Variants in NUP43 observed in about 807,000 individuals in gnomAD.
NUP43 encodes the protein nucleoporin 43, also known as nucleoporin Nup43.
In NUP43, 32 loss-of-function variants were observed where a neutral mutation model predicts 47.3. That is an observed-to-expected ratio of 0.68 (90% CI 0.51 to 0.91). The LOEUF (loss-of-function observed/expected upper bound fraction) is 0.91. Ranked by LOEUF, NUP43 falls within the 40% of genes least tolerant of loss-of-function variation. The pLI is 0.00. For missense variants in NUP43, 444 were observed against 453.9 expected (o/e 0.98, Z 0.20); for synonymous variants, 147 against 158.4 (o/e 0.93, Z 0.54).
In NUP43 at chr6:149,738,011, C is replaced by CA. The variant is rs1016042660; in HGVS notation, c.638+631dup. Among the ~76,000 whole-genome samples, 9 of 150,996 alleles carry CA rather than the reference C, an allele frequency of 6.0e-5. No individual in the cohort carries two copies. In the South Asian group the frequency reaches 8.4e-4, roughly 14 times the overall value. ...CAGCCTGGCTGAATCTTAATGATAC[C>CA]AAAAAAAATGAACTAAATTAGATAT... On this transcript the variant is annotated intron_variant, in intron 5 of 7. Coordinates refer to ENST00000340413, the MANE Select transcript of NUP43 (RefSeq NM_198887.3).
chr6:149,729,147 C>T (rs956751076), intron 7 of NUP43, among the ~76,000 whole-genome samples: 3 of 152,032 alleles, frequency 2.0e-5, no homozygotes, highest in Non-Finnish European at 2.9e-5. Context: ...CCCACCACCA[C>T]GTTCAGCTAA....
chr6:149,747,594 A>G (rs1217170408), upstream of NUP43, among the ~76,000 whole-genome samples: 1 of 151,900 alleles, frequency 6.6e-6, no homozygotes, highest in Non-Finnish European at 1.5e-5. Context: ...TATCTAGACC[A>G]CTAATGACAT....
intron 3 of NUP43, 26 bp downstream of exon 3, chr6:149,743,612 T>C (rs1201657409): frequency 1.5e-6 from 2 of 1,347,818 alleles, no homozygotes; most frequent in East Asian, 2.3e-5. Flanking sequence ...AAAAAAAAAA[T>C]CACTTCTCAA....
intron 6 of NUP43, among the ~76,000 whole-genome samples, chr6:149,733,834 T>G (rs1286596276): frequency 2.0e-5 from 3 of 151,944 alleles, no homozygotes; most frequent in African/African-American, 7.3e-5. Flanking sequence ...TTGTTTTGTT[T>G]TTTTTTTGAG....
Position 149,742,522 on chromosome 6 carries a change from G to A in NUP43, c.370C>T (p.Pro124Ser), listed in dbSNP as rs142854911. Residue 124 changes from proline (P) to serine (S), a missense_variant, in exon 4 of 8, where the codon CCT (proline) becomes TCT (serine). By Grantham distance (74) the Pro-to-Ser change is moderately conservative (BLOSUM62 -1). Transcript: ENST00000340413. ...GCACTGCTATAGGAAGGACTGCCAGGGCCTGTGTGGTAGTGAGCTGTAGTC... is the reference window on the plus strand; with the variant it reads ...GCACTGCTATAGGAAGGACTGCCAGAGCCTGTGTGGTAGTGAGCTGTAGTC... ...QWTTAHYHTG[P>S]GSPSYSSAPC... 6.2e-7 allele frequency: 1 copy of A among 1,614,118 alleles called. No individual in the cohort carries two copies. The highest frequency in any genetic ancestry group is 8.5e-7 in the Non-Finnish European group (1 of 1,179,988).
intron 6 of NUP43, among the ~76,000 whole-genome samples, chr6:149,732,177 G>A (rs1785084381): frequency 8.1e-6 from 1 of 122,892 alleles, no homozygotes; most frequent in Non-Finnish European, 1.6e-5. Context: ...GTGAGACACT[G>A]TCTGAGAAAA....
intron 1 of NUP43, 44 bp downstream of exon 1, chr6:149,746,332 G>C (rs780741608): frequency 1.2e-6 from 2 of 1,605,170 alleles, no homozygotes; most frequent in Non-Finnish European, 1.7e-6. Context: ...AGCTCAACCG[G>C]AGAGAGGGAG....
rs370470824 is a variant in NUP43 at position 149,737,869 on chromosome 6, TTAG to T, written c.638+771_638+773del. Among the ~76,000 whole-genome samples, 68 of 152,250 alleles carry T rather than the reference TTAG, an allele frequency of 4.5e-4. 1 individual carries two copies. The East Asian group carries it at 0.012, about 26-fold the overall frequency. ...CCATGCCTGGCTAGTTTTTGTATTT[TTAG>T]TAGAGACGGGGTTTCACTGTGTTGG... On this transcript the variant is annotated intron_variant, in intron 5 of 7. Transcript: ENST00000340413.
chr6:149,727,485 A>G, intron 7 of NUP43: 1 of 985,184 alleles, frequency 1.0e-6, no homozygotes, highest in African/African-American at 1.7e-5. Context: ...GGAAAGTCTC[A>G]GAAAGGTAGC....
chr6:149,727,873 T>C, intron 7 of NUP43: 2 of 985,328 alleles, frequency 2.0e-6, no homozygotes, highest in Non-Finnish European at 2.4e-6. Flanking sequence ...TACTTTCCTC[T>C]CAACTTGCTG....
chr6:149,745,066 T>A (rs1029787204), intron 2 of NUP43, among the ~76,000 whole-genome samples: 2 of 150,988 alleles, frequency 1.3e-5, no homozygotes, highest in Non-Finnish European at 3.0e-5. Flanking sequence ...GCTAGGTAGC[T>A]TTCTATGGAA....
chr6:149,735,265 G>C (rs1785264123), intron 6 of NUP43, among the ~76,000 whole-genome samples: 1 of 151,986 alleles, frequency 6.6e-6, no homozygotes, highest in African/African-American at 2.4e-5. Flanking sequence ...GCCTAAGCTG[G>C]CCTCAAACTC....
chr6:149,737,675 C>A (rs190383388), intron 5 of NUP43, among the ~76,000 whole-genome samples: 1 of 152,170 alleles, frequency 6.6e-6, no homozygotes, highest in East Asian at 1.9e-4. Flanking sequence ...GGCTGGAGTG[C>A]AATGGCACGA....
chr6:149,740,839 C>G (rs903508134), intron 4 of NUP43, among the ~76,000 whole-genome samples: 1 of 152,108 alleles, frequency 6.6e-6, no homozygotes, highest in Non-Finnish European at 1.5e-5. Context: ...GCAATCTGGC[C>G]CCAGCTTACT....
At chr6:149,741,421 G>C (rs1321856232) in intron 4 of NUP43, among the ~76,000 whole-genome samples, 3 of 152,114 alleles carry the variant, frequency 2.0e-5, no homozygotes, top group Non-Finnish European at 4.4e-5. Context: ...TGATCTGCTC[G>C]CCTTTGCCTC....
At chr6:149,739,297 T>C (rs537863302) in intron 4 of NUP43, among the ~76,000 whole-genome samples, 1 of 151,760 alleles carries the variant, frequency 6.6e-6, no homozygotes, top group African/African-American at 2.4e-5. Flanking sequence ...CTTTTTCTTT[T>C]TGTTTTTTGA....
intron 6 of NUP43, among the ~76,000 whole-genome samples, chr6:149,733,766 C>T (rs1377038707): frequency 6.6e-6 from 1 of 151,726 alleles, no homozygotes; most frequent in Non-Finnish European, 1.5e-5. Context: ...TCTATATATT[C>T]CAAAATCACT....
intron 1 of NUP43, 141 bp from the exon 2 acceptor site, chr6:149,746,203 A>C (rs768176874): frequency 7.6e-7 from 1 of 1,307,532 alleles, no homozygotes; most frequent in Non-Finnish European, 1.1e-6. Flanking sequence ...TACGAGGCTC[A>C]GGCATGCCAT....
At chr6:149,734,903 G>GA (rs35960957) in intron 6 of NUP43, among the ~76,000 whole-genome samples, 8 of 132,384 alleles carry the variant, frequency 6.0e-5, no homozygotes, top group African/African-American at 1.1e-4. Context: ...AGAATCAAAA[G>GA]AAAAAAAAAA....
Sources: gnomAD v4.1 joint callset for allele counts (sites outside exome capture counted in the v4.1 genomes callset) on GRCh38, gnomAD v4.1.1 for gene constraint, MANE v1.5 for transcripts, NCBI Gene and HGNC (gene_info 2026-07-23, HGNC 2026-07-21) for gene names.